Variants in DOCK7 observed in about 807,000 individuals in gnomAD.
DOCK7 encodes the protein dedicator of cytokinesis 7.
DOCK7 carries 138 observed loss-of-function variants against 271.0 expected under a neutral mutation model. That is an observed-to-expected ratio of 0.51 (90% confidence interval 0.44 to 0.59). The LOEUF (loss-of-function observed/expected upper bound fraction) is 0.59. Among genes scored for constraint, DOCK7 ranks in the 20% least tolerant of loss-of-function variants. DOCK7 has a pLI of 0.00. For missense variants in DOCK7, 2,066 were observed against 2,592.4 expected, an observed-to-expected ratio of 0.80 and a Z score of 4.41; for synonymous variants, 823 against 876.1, an observed-to-expected ratio of 0.94 and a Z score of 1.07.
intron 1 of DOCK7, among the ~76,000 whole-genome samples, chr1:62,673,319 C>G (rs1411436521): frequency 1.3e-5 from 2 of 152,060 alleles, no homozygotes; most frequent in Non-Finnish European, 2.9e-5. Context: ...GATAACATTA[C>G]TCAAAATTAT....
intron 1 of DOCK7, among the ~76,000 whole-genome samples, chr1:62,669,896 C>T (rs1202462562): frequency 1.3e-5 from 2 of 152,366 alleles, no homozygotes; most frequent in Non-Finnish European, 2.9e-5. Context: ...GAGGGAGAGA[C>T]ACGAGCGGGA....
intron 14 of DOCK7, among the ~76,000 whole-genome samples, chr1:62,606,440 G>C (rs1651003284): frequency 6.6e-6 from 1 of 151,906 alleles, no homozygotes; most frequent in South Asian, 2.1e-4. Flanking sequence ...AGAAGAGAAA[G>C]GAGCTCTTTA....
chr1:62,475,524 A>T, intron 46 of DOCK7, 173 bp from the exon 47 acceptor site: 1 of 1,124,126 alleles, frequency 8.9e-7, no homozygotes, highest in South Asian at 1.6e-5. Flanking sequence ...CCTTTTAAAG[A>T]AAAAGCTGGG....
At chr1:62,686,537 T>C (rs543061176) in intron 1 of DOCK7, among the ~76,000 whole-genome samples, 2 of 152,104 alleles carry the variant, frequency 1.3e-5, no homozygotes, top group African/African-American at 4.8e-5. Context: ...GACCTAATTA[T>C]TTTACAAAAA....
rs918828455 is a variant in DOCK7, at chr1:62,475,462, T to C, written c.5962-111A>G. The C allele has an allele frequency of 9.0e-6, 12 of 1,332,342 alleles. No individual in the cohort carries two copies. The East Asian group carries it at 1.4e-4, about 16-fold the overall frequency. The allele number at this position is 1,332,342 out of a possible 1,614,324, so 82.5% of individuals were successfully genotyped here. A position where few individuals can be genotyped will look rare whatever the true frequency, so the allele number is the denominator to read the frequency against. The stretch of plus-strand genomic sequence containing the variant: ...AAAAAAGATCAATTGTAAACTTTCA[T>C]GTAACAATAAAATTCCAAACTTGGA... On this transcript the variant is annotated intron_variant, in intron 46 of 49. Transcript: ENST00000635253.
chr1:62,507,870 A>C (rs1472612243), intron 35 of DOCK7, 92 bp downstream of exon 35: 5 of 1,166,944 alleles, frequency 4.3e-6, no homozygotes, highest in Non-Finnish European at 6.1e-6. Flanking sequence ...ATATTTAATA[A>C]AATGTAATTT....
chr1:62,472,033 A>AT (rs1348986038), intron 48 of DOCK7, among the ~76,000 whole-genome samples: 3 of 152,134 alleles, frequency 2.0e-5, no homozygotes, highest in Non-Finnish European at 4.4e-5. Context: ...AAAATGTAGT[A>AT]TTGGCTATAA....
intron 37 of DOCK7, among the ~76,000 whole-genome samples, chr1:62,502,990 C>A (rs991383104): frequency 7.2e-5 from 11 of 151,914 alleles, no homozygotes; most frequent in Non-Finnish European, 1.6e-4. Context: ...AAGCAGAGGT[C>A]AAAATCTTAA....
At chr1:62,509,899 G>A (rs774185592) in intron 34 of DOCK7, among the ~76,000 whole-genome samples, 1 of 152,182 alleles carries the variant, frequency 6.6e-6, no homozygotes, top group Admixed American at 6.5e-5. Flanking sequence ...TCCCTGGGAT[G>A]TGGGACAATC....
chr1:62,656,572 T>G (rs1658040269), intron 2 of DOCK7, among the ~76,000 whole-genome samples: 1 of 152,202 alleles, frequency 6.6e-6, no homozygotes, highest in Admixed American at 6.5e-5. Flanking sequence ...AGAAGTACTT[T>G]TCTCTATTCT....
intron 9 of DOCK7, 49 bp downstream of exon 9, chr1:62,634,724 A>G: frequency 2.6e-6 from 4 of 1,539,102 alleles, no homozygotes; most frequent in East Asian, 4.5e-5. Context: ...CTGACAGACA[A>G]GTATACAGAC....
At chr1:62,604,526 A>G in intron 14 of DOCK7, 1 of 1,218,986 alleles carries the variant, frequency 8.2e-7, no homozygotes. Flanking sequence ...CATGCATCTA[A>G]AACACTGTAA....
Position 62,537,882 on chromosome 1 carries a change from T to C in DOCK7, c.3471+9A>G. 6.2e-7 allele frequency: 1 copy of C among 1,609,844 alleles called. No homozygotes were observed. Among genetic ancestry groups the C allele is most frequent in the Non-Finnish European group, 8.5e-7 (1 of 1,177,224 alleles). On this transcript the variant is annotated intron_variant, in intron 28 of 49. Transcript: ENST00000635253. Reference sequence around the variant, plus strand: ...TTTAAATATATGTATATTCACACAATTTGCATACCTGAGATGTTGCAGAAG... The same window carrying C: ...TTTAAATATATGTATATTCACACAACTTGCATACCTGAGATGTTGCAGAAG...
At chr1:62,552,607 T>A (rs1392894936) in intron 22 of DOCK7, 125 bp downstream of exon 22, 1 of 939,148 alleles carries the variant, frequency 1.1e-6, no homozygotes, top group African/African-American at 1.7e-5. Context: ...AACAGAAATG[T>A]ACAATTCCTT....
At chr1:62,658,665 G>C (rs1658309398) in intron 2 of DOCK7, among the ~76,000 whole-genome samples, 1 of 151,734 alleles carries the variant, frequency 6.6e-6, no homozygotes, top group Non-Finnish European at 1.5e-5. Context: ...GAATGAAGGG[G>C]AAGGCCGGGC....
chr1:62,676,083 T>C (rs1452412178), intron 1 of DOCK7, among the ~76,000 whole-genome samples: 1 of 152,158 alleles, frequency 6.6e-6, no homozygotes, highest in Non-Finnish European at 1.5e-5. Flanking sequence ...CAAACAAAAG[T>C]TTTATTCCTA....
chr1:62,550,076 G>A (rs540086757), intron 22 of DOCK7, among the ~76,000 whole-genome samples: 90 of 152,174 alleles, frequency 5.9e-4, no homozygotes, highest in African/African-American at 2.1e-3. Flanking sequence ...ATCTGTTGAT[G>A]GACACTTAGA....
In DOCK7 at chr1:62,625,305, G is replaced by C; in HGVS notation, c.1379C>G (p.Thr460Arg). 1.9e-6 allele frequency: 3 copies of C among 1,613,900 alleles called. No homozygotes were observed. The highest frequency in any genetic ancestry group is 1.7e-4 in the Middle Eastern group (1 of 6,060). ...TGTGAGAGTAGCTGGTCGAAAGCTCGTCAAGTTACAAGCATCATCTCCACT... is the reference window on the plus strand; with the variant it reads ...TGTGAGAGTAGCTGGTCGAAAGCTCCTCAAGTTACAAGCATCATCTCCACT... ...TTSGDDACNL[T>R]SFRPATLTVT... Residue 460 changes from threonine to arginine, a missense_variant, in exon 12 of 50, where the codon ACG becomes AGG. This residue lies in a region of DOCK7 where 1,414 missense variants were observed against 1,670.4 expected (regional missense o/e 0.85). Transcript: ENST00000635253.
intron 31 of DOCK7, among the ~76,000 whole-genome samples, chr1:62,526,996 C>T (rs1333885915): frequency 6.6e-6 from 1 of 152,004 alleles, no homozygotes; most frequent in Non-Finnish European, 1.5e-5. Flanking sequence ...GTGATACCTG[C>T]GCAACTCCGT....
Sources: gnomAD v4.1 joint callset for allele counts (sites outside exome capture counted in the v4.1 genomes callset) on GRCh38, gnomAD v4.1.1 for gene constraint, gnomAD v4.1.1 regional missense constraint, MANE v1.5 for transcripts, NCBI Gene and HGNC (gene_info 2026-07-23, HGNC 2026-07-21) for gene names.